The following RBFOX1 variants were observed in gnomAD, a reference collection of about 807,000 sequenced individuals.
The protein encoded by RBFOX1 is RNA binding protein fox-1 homolog 1.
Under a neutral mutation model 57.7 loss-of-function variants are expected in RBFOX1, and 8 were observed. The ratio of observed to expected loss-of-function variants is 0.14; its 90% CI spans 0.08 to 0.25. The LOEUF (loss-of-function observed/expected upper bound fraction) is 0.25. Among genes scored for constraint, RBFOX1 ranks in the 10% least tolerant of loss-of-function variants. The pLI is 1.00. For synonymous variants in RBFOX1, 326 were observed against 222.4 expected, an observed-to-expected ratio of 1.47 and a Z score of -4.15; for missense variants, 611 against 548.5, an observed-to-expected ratio of 1.11 and a Z score of -1.14.
intron 2 of RBFOX1, among the ~76,000 whole-genome samples, chr16:6,559,200 CAT>C (rs1450846270): frequency 1.3e-5 from 2 of 151,898 alleles, no homozygotes; most frequent in Admixed American, 1.3e-4. Context: ...CACACACTCA[CAT>C]AGTCACATGT....
Position 6,136,326 on chromosome 16 carries a change from C to T in RBFOX1, c.-127+116334C>T, listed in dbSNP as rs116475576. ...TGACTTTGCCTTTGATACAACCTTCCCCCAAGGCACCCTGTAATCGCAGTT... is the reference window on the plus strand; with the variant it reads ...TGACTTTGCCTTTGATACAACCTTCTCCCAAGGCACCCTGTAATCGCAGTT... On this transcript the variant is annotated intron_variant, in intron 1 of 15. Transcript: ENST00000550418. 3.6e-3 allele frequency among the ~76,000 whole-genome samples: 555 copies of T among 152,240 alleles called. 3 individuals carry two copies. Among genetic ancestry groups the T allele is most frequent in the East Asian group, 0.017 (89 of 5,154 alleles).
At chr16:6,244,168 C>T (rs970493110) in intron 1 of RBFOX1, among the ~76,000 whole-genome samples, 2 of 152,048 alleles carry the variant, frequency 1.3e-5, no homozygotes, top group African/African-American at 2.4e-5. Context: ...TTCTAGTCTA[C>T]CTTCTCAGTC....
At chr16:6,285,619 G>C (rs1468510192) in intron 1 of RBFOX1, among the ~76,000 whole-genome samples, 1 of 152,114 alleles carries the variant, frequency 6.6e-6, no homozygotes, top group African/African-American at 2.4e-5. Context: ...TGAGAGGTTT[G>C]CTTTTTAGGA....
intron 2 of RBFOX1, among the ~76,000 whole-genome samples, chr16:6,454,884 T>TCG (rs1567313849): frequency 8.2e-6 from 1 of 121,400 alleles, no homozygotes; most frequent in Non-Finnish European, 1.7e-5. Context: ...TTTTTTTTTT[T>TCG]TTTTTTTTTT....
chr16:6,378,504 G>A (rs1309968958), intron 2 of RBFOX1, among the ~76,000 whole-genome samples: 2 of 152,226 alleles, frequency 1.3e-5, no homozygotes, highest in Non-Finnish European at 2.9e-5. Flanking sequence ...TAGGGCAAGA[G>A]AGTCAGAGCA....
intron 3 of RBFOX1, among the ~76,000 whole-genome samples, chr16:7,034,489 G>T (rs8044929): frequency 0.087 from 13,197 of 152,114 alleles, 946 homozygotes; most frequent in East Asian, 0.32. Flanking sequence ...GAAAGTGTAT[G>T]ACCATCTATC....
At chr16:7,165,807 C>G (rs148593983) in intron 4 of RBFOX1, among the ~76,000 whole-genome samples, 2 of 152,100 alleles carry the variant, frequency 1.3e-5, no homozygotes, top group East Asian at 3.9e-4. Flanking sequence ...GGATGTTCAT[C>G]TTGATTTGCC....
intron 3 of RBFOX1, among the ~76,000 whole-genome samples, chr16:6,675,247 C>T (rs927815849): frequency 6.6e-6 from 1 of 152,132 alleles, no homozygotes; most frequent in Non-Finnish European, 1.5e-5. Flanking sequence ...TGATTTGTTG[C>T]ACCATCCCTA....
In RBFOX1 at chr16:6,412,572, C is replaced by G. The variant is rs2093493576; in HGVS notation, c.-64+95515C>G. ...TGTCTTTGAAACCTTTTTGTTTTCA[C>G]CATGCCTCATAATAAGAAATACATT... is the stretch of plus-strand genomic sequence containing the variant. On this transcript the variant is annotated intron_variant, in intron 2 of 15. Coordinates refer to ENST00000550418, the MANE Select transcript of RBFOX1 (RefSeq NM_018723.4). Among the ~76,000 whole-genome samples the G allele has an allele frequency of 3.9e-5, 6 of 152,182 alleles. No homozygotes were observed. The South Asian group carries it at 1.2e-3, about 32-fold the overall frequency.
intron 9 of RBFOX1, among the ~76,000 whole-genome samples, chr16:7,603,875 TG>T (rs986654109): frequency 4.6e-5 from 7 of 152,140 alleles, no homozygotes; most frequent in East Asian, 3.9e-4. Flanking sequence ...ACAAAGCTGA[TG>T]TTTTTTTTAA....
intron 1 of RBFOX1, among the ~76,000 whole-genome samples, chr16:5,465,132 A>T (rs1422926957): frequency 6.6e-6 from 1 of 152,134 alleles, no homozygotes; most frequent in Non-Finnish European, 1.5e-5. Context: ...TTAAACAGCA[A>T]ATTTATTTCT....
At chr16:5,830,034 A>G (rs1720706360) in intron 3 of RBFOX1, among the ~76,000 whole-genome samples, 1 of 152,166 alleles carries the variant, frequency 6.6e-6, no homozygotes. Context: ...AATAGCCATG[A>G]CATTTCCTTG....
chr16:5,935,803 C>T (rs980757052), intron 4 of RBFOX1, among the ~76,000 whole-genome samples: 1 of 152,196 alleles, frequency 6.6e-6, no homozygotes, highest in Non-Finnish European at 1.5e-5. Context: ...CATCCAATGG[C>T]TAGTTTATCT....
In RBFOX1 at chr16:6,993,804, C is replaced by A. The variant is rs192747847; in HGVS notation, c.-15-58253C>A. 1.1e-3 allele frequency among the ~76,000 whole-genome samples: 164 copies of A among 152,284 alleles called. 1 individual carries two copies. The highest frequency in any genetic ancestry group is 6.8e-4 in the Non-Finnish European group (46 of 68,022). ...ATCCTGGAGCATGGAAACTGTATTG[C>A]TGCATTTGATAGTATGCTTGCATGA... is the stretch of plus-strand genomic sequence containing the variant. On this transcript the variant is annotated intron_variant, in intron 3 of 15. Transcript: ENST00000550418.
intron 4 of RBFOX1, among the ~76,000 whole-genome samples, chr16:7,274,891 G>A (rs1031749806): frequency 6.6e-6 from 1 of 151,966 alleles, no homozygotes; most frequent in African/African-American, 2.4e-5. Context: ...TGCCATGTTA[G>A]CCAGGCTGTC....
At position 6,141,224 on chromosome 16, in the gene RBFOX1, C is replaced by T. The variant is rs114086634; in HGVS notation, c.-127+121232C>T. On this transcript the variant is annotated intron_variant, in intron 1 of 15. Transcript: ENST00000550418. Reference sequence around the variant, plus strand: ...TTTTGGAGCACCTTCTAAATGTCAGCCTCTTTTCTCAGTGCCCTCCATATG... The same window carrying T: ...TTTTGGAGCACCTTCTAAATGTCAGTCTCTTTTCTCAGTGCCCTCCATATG... Among the ~76,000 whole-genome samples the T allele has an allele frequency of 8.3e-3, 1,270 of 152,296 alleles. 17 individuals carry two copies. The highest frequency in any genetic ancestry group is 0.028 in the African/African-American group (1,174 of 41,546).
At chr16:7,434,832 C>G (rs938816613) in intron 4 of RBFOX1, among the ~76,000 whole-genome samples, 6 of 151,804 alleles carry the variant, frequency 4.0e-5, no homozygotes, top group Non-Finnish European at 5.9e-5. Context: ...CTCTGCCTCC[C>G]AGACTCAAGT....
intron 3 of RBFOX1, among the ~76,000 whole-genome samples, chr16:6,856,845 C>A (rs1030384506): frequency 1.3e-5 from 2 of 151,956 alleles, no homozygotes; most frequent in East Asian, 1.9e-4. Flanking sequence ...TGACAGATCC[C>A]TTAATTGTCA....
At chr16:6,467,854 T>A (rs1048652858) in intron 2 of RBFOX1, among the ~76,000 whole-genome samples, 4 of 152,250 alleles carry the variant, frequency 2.6e-5, no homozygotes, top group African/African-American at 9.6e-5. Flanking sequence ...TGTAATATTA[T>A]GATGTAAAGT....
Sources: gnomAD v4.1 joint callset for allele counts (sites outside exome capture counted in the v4.1 genomes callset) on GRCh38, gnomAD v4.1.1 for gene constraint, MANE v1.5 for transcripts, NCBI Gene and HGNC (gene_info 2026-07-23, HGNC 2026-07-21) for gene names.